Variants in MGAM observed in about 807,000 individuals in gnomAD.
MGAM encodes the protein maltase-glucoamylase.
In MGAM, 253 loss-of-function variants were observed where a neutral mutation model predicts 358.8. The ratio of observed to expected loss-of-function variants is 0.71; its 90% confidence interval spans 0.64 to 0.78. The LOEUF is 0.78. MGAM is among the 30% of genes least tolerant of loss of function. MGAM has a pLI of 0.00. For missense variants in MGAM, 3,080 were observed against 3,432.6 expected, an observed-to-expected ratio of 0.90 and a Z score of 2.57; for synonymous variants, 1,105 against 1,227.1, an observed-to-expected ratio of 0.90 and a Z score of 2.08.
At position 142,056,864 on chromosome 7, in the gene MGAM, C is replaced by A; in HGVS notation, c.3615C>A (p.Tyr1205Ter). Residue 1205 changes from tyrosine (Y) to a stop codon, truncating the protein, a stop_gained, in exon 30 of 71, where the codon TAC (tyrosine) becomes TAA (stop). Coordinates refer to ENST00000475668, the MANE Select transcript of MGAM (RefSeq NM_001365693.1). LOFTEE classifies it high-confidence loss of function. Reference sequence around the variant, plus strand: ...TCCAGCCCCTGCCTGCCTTGACATACCGCACCACAGGGGGAGTTCTGGACT... The same window carrying A: ...TCCAGCCCCTGCCTGCCTTGACATAACGCACCACAGGGGGAGTTCTGGACT... ...VTFQPLPALTYRTTGGVLDFY... is the reference protein window; with the variant it reads ...VTFQPLPALT The A allele has an allele frequency of 1.2e-6, 2 of 1,613,876 alleles. No individual in the cohort carries two copies. Among genetic ancestry groups the A allele is most frequent in the Non-Finnish European group, 1.7e-6 (2 of 1,179,840 alleles).
intron 42 of MGAM, among the ~76,000 whole-genome samples, chr7:142,067,947 T>TATATATATATATATATAA (rs1259342802): frequency 5.4e-5 from 2 of 37,352 alleles, no homozygotes; most frequent in Non-Finnish European, 1.2e-4. Context: ...TATATATATA[T>TATATATATATATATATAA]ATATATATAT....
intron 44 of MGAM, among the ~76,000 whole-genome samples, chr7:142,073,075 A>C (rs1413312202): frequency 6.8e-6 from 1 of 146,384 alleles, no homozygotes; most frequent in Non-Finnish European, 1.5e-5. Flanking sequence ...AAGAATATAC[A>C]GTCTACCATA....
At chr7:141,992,566 G>T (rs991795893), upstream of MGAM, among the ~76,000 whole-genome samples, 2 of 152,102 alleles carry the variant, frequency 1.3e-5, no homozygotes, top group Non-Finnish European at 2.9e-5. Context: ...AGATCATGTA[G>T]GTGAAGGTCT....
chr7:142,040,953 GC>G, intron 21 of MGAM, 107 bp downstream of exon 21: 1 of 1,353,532 alleles, frequency 7.4e-7, no homozygotes, highest in Non-Finnish European at 9.9e-7. Flanking sequence ...CTTTGGTTTG[GC>G]CACGACTGTT....
At chr7:142,074,785 T>C (rs1202185320) in intron 45 of MGAM, among the ~76,000 whole-genome samples, 1 of 146,474 alleles carries the variant, frequency 6.8e-6, no homozygotes, top group East Asian at 2.0e-4. Flanking sequence ...GATTAAAAAT[T>C]AATTATTTAT....
chr7:142,088,750 TATCTATCTA>T (rs1815028714), intron 57 of MGAM, among the ~76,000 whole-genome samples: 1 of 23,496 alleles, frequency 4.3e-5, no homozygotes, highest in Non-Finnish European at 1.1e-4. Flanking sequence ...TCTGTCTGTC[TATCTATCTA>T]TCTATCTATC....
intron 21 of MGAM, among the ~76,000 whole-genome samples, chr7:142,046,290 T>G (rs747447416): frequency 4.1e-4 from 63 of 151,838 alleles, no homozygotes; most frequent in Non-Finnish European, 7.8e-4. Context: ...TAGGGGAGTC[T>G]AAGTCTATTG....
chr7:141,990,252 G>C (rs1803885993), intron 2 of MGAM, among the ~76,000 whole-genome samples: 1 of 152,190 alleles, frequency 6.6e-6, no homozygotes, highest in Non-Finnish European at 1.5e-5. Flanking sequence ...TATGGCCTAT[G>C]TATCATGCCA....
intron 52 of MGAM, among the ~76,000 whole-genome samples, chr7:142,082,798 T>C (rs931970959): frequency 1.4e-5 from 2 of 146,204 alleles, no homozygotes; most frequent in African/African-American, 2.4e-5. Context: ...TAAGAAGGGA[T>C]AGTAAAACCA....
intron 2 of MGAM, among the ~76,000 whole-genome samples, chr7:141,989,956 A>G (rs1300587332): frequency 2.0e-5 from 3 of 152,230 alleles, no homozygotes; most frequent in African/African-American, 7.2e-5. Flanking sequence ...GGGAGAACAC[A>G]TGAAGTCATG....
In MGAM at chr7:142,059,516, C is replaced by A. The variant is rs1440415006; in HGVS notation, c.3864C>A (p.Asp1288Glu). ...SDIDYMERQL[D>E]FTLSPKFAGF... is the part of the protein sequence containing the mutation. ...TCGACTACATGGAGCGGCAGCTGGA[C>A]TTCACCCTCAGCCCCAAGTTTGCTG... is the stretch of plus-strand genomic sequence containing the variant. The change falls in exon 32 of 71, where the codon GAC becomes GAA. Residue 1288 changes from aspartate (D) to glutamate (E), a missense_variant. By Grantham distance (45) the Asp-to-Glu change is conservative. This residue lies in a region of MGAM where 1,816 missense variants were observed against 1,840.5 expected (regional missense o/e 0.99). Coordinates refer to ENST00000475668, the MANE Select transcript of MGAM (RefSeq NM_001365693.1). The A allele has an allele frequency of 6.2e-7, 1 of 1,612,890 alleles. No homozygotes were observed. The highest frequency in any genetic ancestry group is 8.5e-7 in the Non-Finnish European group (1 of 1,179,046).
Position 142,103,261 on chromosome 7 carries a change from T to A in MGAM, c.8014-8T>A. ...TATTATATTTTTCTTTTATCTCCAA[T>A]TCAACAGAATACGATGCAAAGCCAT... On this transcript the variant is annotated splice_region_variant and splice_polypyrimidine_tract_variant and intron_variant, in intron 69 of 70. Coordinates refer to ENST00000475668, the MANE Select transcript of MGAM (RefSeq NM_001365693.1). 6.4e-7 allele frequency: 1 copy of A among 1,573,102 alleles called. No homozygotes were observed. Among genetic ancestry groups the A allele is most frequent in the South Asian group, 1.2e-5 (1 of 84,480 alleles).
intron 47 of MGAM, 118 bp downstream of exon 47, chr7:142,076,944 G>C (rs184827834): frequency 8.4e-7 from 1 of 1,188,628 alleles, no homozygotes; most frequent in East Asian, 2.5e-5. Context: ...TGCATGTTTT[G>C]GGGAATTGAG....
chr7:142,031,738 G>A lies in MGAM; in HGVS notation c.1529G>A (p.Trp510Ter). The A allele has an allele frequency of 6.2e-7, 1 of 1,613,430 alleles. No individual in the cohort carries two copies. The highest frequency in any genetic ancestry group is 8.5e-7 in the Non-Finnish European group (1 of 1,179,548). The stretch of plus-strand genomic sequence containing the variant: ...ACCAATCCCAACTGTGCTGTTTGGT[G>A]GACAAAGGAATTTGAGCTTTTTCAC... ...DYTNPNCAVW[W>*]TKEFELFHNQ... Residue 510 changes from tryptophan (W) to a stop codon, truncating the protein, a stop_gained, in exon 13 of 71, where the codon TGG becomes TAG. Transcript: ENST00000475668. LOFTEE classifies it high-confidence loss of function.
Position 142,029,763 on chromosome 7 carries a change from C to G in MGAM, c.1222-599C>G, listed in dbSNP as rs150372701. On this transcript the variant is annotated intron_variant, in intron 10 of 70. Transcript: ENST00000475668. ...TGGGAGTGAAATTTAACAAGAGATG[C>G]AAAGGGAAAAGCTCAGTAGTCTTCT... Among the ~76,000 whole-genome samples the G allele has an allele frequency of 3.9e-5, 6 of 152,252 alleles. No homozygotes were observed. In the East Asian group the frequency reaches 5.8e-4, roughly 15 times the overall value.
intron 70 of MGAM, among the ~76,000 whole-genome samples, chr7:142,104,562 A>G (rs1384178614): frequency 6.6e-6 from 1 of 152,220 alleles, no homozygotes; most frequent in Non-Finnish European, 1.5e-5. Context: ...CACACTTTAT[A>G]TACATTTTCA....
rs1563145423 is a variant in MGAM, at chr7:142,041,994, AT to A, written c.2498+1149del. On this transcript the variant is annotated intron_variant, in intron 21 of 70. Coordinates refer to ENST00000475668, the MANE Select transcript of MGAM (RefSeq NM_001365693.1). ...ATTATATATATATAATATAATATAT[AT>A]ATATTATATATATAATATAATATAT... Among the ~76,000 whole-genome samples the A allele has an allele frequency of 6.0e-3, 85 of 14,268 alleles. 8 individuals carry two copies. The highest frequency in any genetic ancestry group is 0.02 in the African/African-American group (82 of 4,112). The allele number at this position is 14,268 out of a possible 152,430, so 9.4% of individuals were successfully genotyped here.
At chr7:142,019,005 A>G (rs1399391778) in intron 3 of MGAM, among the ~76,000 whole-genome samples, 194 bp from the exon 4 acceptor site, 8 of 152,154 alleles carry the variant, frequency 5.3e-5, no homozygotes, top group African/African-American at 1.9e-4. Flanking sequence ...TAAGAAGGAC[A>G]CTGGTCAGAA....
rs777540481 is a variant in MGAM, at chr7:142,088,357, ACT to A, written c.6810+1642_6810+1643del. Among the ~76,000 whole-genome samples the A allele has an allele frequency of 8.2e-5, 12 of 145,890 alleles. 3 individuals are homozygous for A. Among genetic ancestry groups the A allele is most frequent in the Non-Finnish European group, 1.9e-4 (12 of 64,452 alleles). ...TTGAAGATTGGCAAGAACGAGTCAG[ACT>A]CAGTTCAAGGCTGTTTTCCTTATGT... is the stretch of plus-strand genomic sequence containing the variant. On this transcript the variant is annotated intron_variant, in intron 57 of 70. Transcript: ENST00000475668.
Sources: allele counts gnomAD v4.1 joint callset (sites outside exome capture counted in the v4.1 genomes callset), GRCh38; gene constraint gnomAD v4.1.1; regional missense constraint gnomAD v4.1.1; transcripts MANE v1.5; gene names NCBI Gene and HGNC (gene_info 2026-07-23, HGNC 2026-07-21).